The following SBF2 variants were observed in gnomAD, a reference collection of about 807,000 sequenced individuals.
SBF2 encodes SET binding factor 2, also known as myotubularin-related protein 13.
Under a neutral mutation model 225.2 loss-of-function variants are expected in SBF2, and 112 were observed. The ratio of observed to expected loss-of-function variants is 0.50; its 90% CI spans 0.43 to 0.58. SBF2 has a LOEUF of 0.58. Ranked by LOEUF, SBF2 falls within the 20% of genes least tolerant of loss-of-function variation. The pLI, the probability that SBF2 is intolerant of heterozygous loss-of-function variation, is 0.00. For synonymous variants in SBF2, 763 were observed against 773.3 expected (o/e 0.99, Z 0.22); for missense variants, 1,996 against 2,206.2 (o/e 0.90, Z 1.91).
intron 32 of SBF2, among the ~76,000 whole-genome samples, chr11:9,798,301 G>A (rs1853258702): frequency 1.3e-5 from 2 of 152,150 alleles, no homozygotes; most frequent in Admixed American, 6.6e-5. Context: ...AACCTGTCCT[G>A]TAATGCCATA....
chr11:9,959,261 A>T (rs1866400432), intron 16 of SBF2: 3 of 775,748 alleles, frequency 3.9e-6, no homozygotes, highest in Non-Finnish European at 7.2e-6. Flanking sequence ...GAATACAAGC[A>T]GGCCCGGTAA....
chr11:10,109,583 C>A (rs1478640309), intron 2 of SBF2, among the ~76,000 whole-genome samples: 1 of 152,180 alleles, frequency 6.6e-6, no homozygotes, highest in Non-Finnish European at 1.5e-5. Flanking sequence ...ACATGATATT[C>A]TGAGAATCCA....
intron 16 of SBF2, among the ~76,000 whole-genome samples, chr11:9,932,957 C>CAAAAAAAAAAAAAAAAAAAAAAA (rs574177096): frequency 1.7e-5 from 1 of 58,744 alleles, no homozygotes; most frequent in East Asian, 2.4e-3. Context: ...AAACGAAAAG[C>CAAAAAAAAAAAAAAAAAAAAAAA]AAAAAAAAAA....
At chr11:9,900,527 G>C (rs1300600120) in intron 16 of SBF2, among the ~76,000 whole-genome samples, 1 of 152,096 alleles carries the variant, frequency 6.6e-6, no homozygotes, top group Middle Eastern at 3.2e-3. Context: ...TAGCCAATAG[G>C]GGAAGGACGC....
intron 28 of SBF2, among the ~76,000 whole-genome samples, 193 bp downstream of exon 28, chr11:9,829,163 A>T (rs1855232028): frequency 6.6e-6 from 1 of 152,232 alleles, no homozygotes; most frequent in Non-Finnish European, 1.5e-5. Flanking sequence ...AAGTTAAGTT[A>T]CTATTTACTA....
chr11:9,984,258 G>A (rs867644720), intron 13 of SBF2, among the ~76,000 whole-genome samples: 24 of 152,062 alleles, frequency 1.6e-4, no homozygotes, highest in African/African-American at 3.9e-4. Flanking sequence ...AAGAAACTTT[G>A]GACACACTTT....
chr11:9,805,836 A>G (rs189103586), intron 32 of SBF2, among the ~76,000 whole-genome samples: 3 of 152,046 alleles, frequency 2.0e-5, no homozygotes, highest in Admixed American at 6.6e-5. Flanking sequence ...GTTGGCCAGG[A>G]TGGTTTTGAT....
chr11:9,871,908 T>C (rs1056743718), intron 17 of SBF2, among the ~76,000 whole-genome samples: 4 of 152,192 alleles, frequency 2.6e-5, no homozygotes, highest in Admixed American at 6.5e-5. Flanking sequence ...GAAGACAGTG[T>C]GGTGATTCCT....
chr11:10,255,363 C>T (rs1456939108), intron 1 of SBF2, among the ~76,000 whole-genome samples: 2 of 151,924 alleles, frequency 1.3e-5, no homozygotes, highest in African/African-American at 4.8e-5. Flanking sequence ...TTTTATTTGT[C>T]AATTAAAAAT....
chr11:10,182,221 G>A (rs193123276), intron 2 of SBF2, among the ~76,000 whole-genome samples: 1 of 152,282 alleles, frequency 6.6e-6, no homozygotes, highest in Admixed American at 6.5e-5. Flanking sequence ...AAAGCTTTAT[G>A]AGATCAAAAT....
chr11:10,275,178 C>T (rs1962859318), intron 1 of SBF2, among the ~76,000 whole-genome samples: 1 of 151,730 alleles, frequency 6.6e-6, no homozygotes, highest in African/African-American at 2.4e-5. Flanking sequence ...AGAAAGGAGA[C>T]CGAGAAAAGA....
At chr11:10,120,262 A>G (rs1953374931) in intron 2 of SBF2, among the ~76,000 whole-genome samples, 1 of 151,976 alleles carries the variant, frequency 6.6e-6, no homozygotes, top group African/African-American at 2.4e-5. Context: ...ATGTAATAGG[A>G]TTTTCTTCTT....
chr11:9,814,676 G>C (rs1854364407), intron 29 of SBF2, among the ~76,000 whole-genome samples: 1 of 152,100 alleles, frequency 6.6e-6, no homozygotes, highest in African/African-American at 2.4e-5. Flanking sequence ...AAATAACCTA[G>C]CGATATACAT....
chr11:10,110,361 C>A (rs1952778985), intron 2 of SBF2, among the ~76,000 whole-genome samples: 1 of 151,956 alleles, frequency 6.6e-6, no homozygotes, highest in Admixed American at 6.6e-5. Context: ...CTCCATTTTT[C>A]TCGGTATTCA....
chr11:10,150,787 A>T (rs1369151626), intron 2 of SBF2, among the ~76,000 whole-genome samples: 1 of 152,114 alleles, frequency 6.6e-6, no homozygotes, highest in Non-Finnish European at 1.5e-5. Flanking sequence ...TTTAAATATA[A>T]ATGGAGGCAT....
At position 9,779,076 on chromosome 11, in the gene SBF2, TTC is replaced by T. The variant is rs1851875378; in HGVS notation, c.*1340_*1341del. 3.9e-5 allele frequency: 6 copies of T among 152,648 alleles called. No individual in the cohort carries two copies. Among genetic ancestry groups the T allele is most frequent in the Admixed American group, 3.9e-4 (6 of 15,292 alleles). 9.5% of individuals were successfully genotyped at this position (152,648 alleles called of 1,614,324 possible). ...CCAGATTTCTTATATATTAACACAG[TTC>T]TATTTCCTAGTGTGTGGACAATTTT... is the stretch of plus-strand genomic sequence containing the variant. On this transcript the variant is annotated 3_prime_UTR_variant, in exon 40 of 40. Transcript: ENST00000256190.
intron 16 of SBF2, among the ~76,000 whole-genome samples, chr11:9,948,409 T>C (rs1013381597): frequency 1.3e-5 from 2 of 152,168 alleles, no homozygotes; most frequent in Admixed American, 6.5e-5. Flanking sequence ...ATGGTTAAAA[T>C]AGTAAGTTTA....
chr11:10,154,369 T>C (rs1245393492), intron 2 of SBF2, among the ~76,000 whole-genome samples: 2 of 152,110 alleles, frequency 1.3e-5, no homozygotes, highest in South Asian at 2.1e-4. Context: ...CCCTATGAAA[T>C]AGTTTCGGTA....
At chr11:9,812,834 G>T in intron 29 of SBF2, 126 bp from the exon 30 acceptor site, 2 of 861,814 alleles carry the variant, frequency 2.3e-6, no homozygotes, top group Non-Finnish European at 3.7e-6. Context: ...CTGCCAATGG[G>T]TCAAGAAAGT....
Sources: gnomAD v4.1 joint callset for allele counts (sites outside exome capture counted in the v4.1 genomes callset) on GRCh38, gnomAD v4.1.1 for gene constraint, MANE v1.5 for transcripts, NCBI Gene and HGNC (gene_info 2026-07-23, HGNC 2026-07-21) for gene names.